C8A: variants seen among roughly 807,000 people sequenced by gnomAD.
The protein encoded by C8A is complement component C8 alpha chain.
In C8A, 67 loss-of-function variants were observed where a neutral mutation model predicts 65.3. The ratio of observed to expected loss-of-function variants is 1.03; its 90% CI spans 0.84 to 1.26. C8A has a LOEUF of 1.26. Ranked by LOEUF, C8A falls within the 50% of genes most tolerant of loss-of-function variation. The probability of loss-of-function intolerance (pLI) is 0.00; values close to 1 mark genes in which losing one functional copy is unlikely to be tolerated. For synonymous variants in C8A, 290 were observed against 259.4 expected (o/e 1.12, Z -1.13); for missense variants, 781 against 723.9 (o/e 1.08, Z -0.90).
intron 7 of C8A, among the ~76,000 whole-genome samples, chr1:56,898,011 C>T (rs1216703818): frequency 6.6e-6 from 1 of 152,118 alleles, no homozygotes; most frequent in Non-Finnish European, 1.5e-5. Flanking sequence ...CTCCCACTTG[C>T]TAGACCCTAA....
intron 7 of C8A, among the ~76,000 whole-genome samples, chr1:56,902,124 C>T (rs964560872): frequency 2.6e-5 from 4 of 152,158 alleles, no homozygotes; most frequent in African/African-American, 7.2e-5. Context: ...CCCTCACAGG[C>T]AAACAGCCAG....
chr1:56,864,986 C>A (rs1644070646), intron 1 of C8A, among the ~76,000 whole-genome samples: 2 of 152,036 alleles, frequency 1.3e-5, no homozygotes, highest in Admixed American at 1.3e-4. Flanking sequence ...TGGCACTAAT[C>A]TCATAGGAAA....
At chr1:56,901,153 T>C (rs1264419122) in intron 7 of C8A, among the ~76,000 whole-genome samples, 1 of 152,142 alleles carries the variant, frequency 6.6e-6, no homozygotes, top group African/African-American at 2.4e-5. Flanking sequence ...AGCCACACAC[T>C]CCAATCATCT....
chr1:56,913,594 C>T (rs1000188903), intron 10 of C8A, among the ~76,000 whole-genome samples: 6 of 152,142 alleles, frequency 3.9e-5, no homozygotes, highest in African/African-American at 1.4e-4. Context: ...ATCTATGTTC[C>T]CTTTTAGCCC....
intron 9 of C8A, among the ~76,000 whole-genome samples, chr1:56,910,398 C>A (rs1431306655): frequency 6.6e-6 from 1 of 152,182 alleles, no homozygotes; most frequent in Non-Finnish European, 1.5e-5. Flanking sequence ...GTCCCAAGAT[C>A]CCTCTTCTCC....
At chr1:56,896,115 C>G (rs1265920959) in intron 7 of C8A, among the ~76,000 whole-genome samples, 1 of 152,072 alleles carries the variant, frequency 6.6e-6, no homozygotes, top group Non-Finnish European at 1.5e-5. Flanking sequence ...AAGGAAAAAT[C>G]ATCAATAGCC....
At chr1:56,864,745 A>T (rs939518567) in intron 1 of C8A, among the ~76,000 whole-genome samples, 2 of 152,100 alleles carry the variant, frequency 1.3e-5, no homozygotes, top group African/African-American at 4.8e-5. Context: ...CTTTGAAGGG[A>T]TGGGAGGGCT....
At chr1:56,907,521 C>G (rs1644475317) in intron 8 of C8A, among the ~76,000 whole-genome samples, 1 of 152,204 alleles carries the variant, frequency 6.6e-6, no homozygotes, top group South Asian at 2.1e-4. Context: ...CTCCCACACC[C>G]CCTACTGTAT....
chr1:56,916,506 A>G (rs1307956900), intron 10 of C8A, among the ~76,000 whole-genome samples: 1 of 152,202 alleles, frequency 6.6e-6, no homozygotes, highest in Non-Finnish European at 1.5e-5. Context: ...TGGCTGCCCC[A>G]TCAGGGAGTA....
chr1:56,903,027 C>G (rs893159628), intron 7 of C8A, among the ~76,000 whole-genome samples: 2 of 152,000 alleles, frequency 1.3e-5, no homozygotes, highest in African/African-American at 2.4e-5. Flanking sequence ...AACTCTAAGG[C>G]CTTTTCTTTT....
intron 7 of C8A, among the ~76,000 whole-genome samples, chr1:56,900,914 C>A (rs1644421837): frequency 6.6e-6 from 1 of 152,090 alleles, no homozygotes; most frequent in Non-Finnish European, 1.5e-5. Flanking sequence ...TGGAGAGAAG[C>A]ACAGGGATAC....
At chr1:56,909,999 T>C (rs890836025) in intron 9 of C8A, among the ~76,000 whole-genome samples, 22 of 152,208 alleles carry the variant, frequency 1.4e-4, no homozygotes, top group Non-Finnish European at 2.9e-4. Context: ...GCAGGCTTTA[T>C]AGCAGGGAAG....
At chr1:56,874,210 A>C (rs1392677273) in intron 2 of C8A, among the ~76,000 whole-genome samples, 4 of 152,278 alleles carry the variant, frequency 2.6e-5, no homozygotes, top group African/African-American at 7.2e-5. Context: ...ACTTGATTGG[A>C]TGGGGTTGAG....
intron 1 of C8A, among the ~76,000 whole-genome samples, chr1:56,857,716 T>A (rs922696612): frequency 1.3e-5 from 2 of 151,970 alleles, no homozygotes; most frequent in Admixed American, 1.3e-4. Context: ...ATTTTTTTCT[T>A]TTTTTGGGCC....
chr1:56,889,604 A>G (rs1644328884), intron 7 of C8A, among the ~76,000 whole-genome samples: 1 of 151,194 alleles, frequency 6.6e-6, no homozygotes, highest in Admixed American at 6.6e-5. Flanking sequence ...ATTAATTTAT[A>G]TTCTATTAAG....
chr1:56,882,246 T>A (rs560229544), intron 5 of C8A, among the ~76,000 whole-genome samples: 1 of 152,286 alleles, frequency 6.6e-6, no homozygotes, highest in South Asian at 2.1e-4. Context: ...GGCCTACTCA[T>A]GGCCATTAAT....
At chr1:56,863,678 T>C (rs956290086) in intron 1 of C8A, among the ~76,000 whole-genome samples, 1 of 152,216 alleles carries the variant, frequency 6.6e-6, no homozygotes, top group Non-Finnish European at 1.5e-5. Flanking sequence ...GAACAGTCTA[T>C]TAGAAAAATA....
At position 56,911,017 on chromosome 1, in the gene C8A, T is replaced by A. The variant is rs1222005560; in HGVS notation, c.1381-1386T>A. Reference sequence around the variant, plus strand: ...TGAAGTATTAACATGTATAACATTATAAGCATGCTGAAGATAACCACATAT... The same window carrying A: ...TGAAGTATTAACATGTATAACATTAAAAGCATGCTGAAGATAACCACATAT... On this transcript the variant is annotated intron_variant, in intron 9 of 10. Coordinates refer to ENST00000361249, the MANE Select transcript of C8A (RefSeq NM_000562.3). 2.0e-5 allele frequency among the ~76,000 whole-genome samples: 3 copies of A among 151,674 alleles called. No homozygotes were observed. In the South Asian group the frequency reaches 6.2e-4, roughly 32 times the overall value.
At chr1:56,861,579 T>G (rs1398411495) in intron 1 of C8A, among the ~76,000 whole-genome samples, 1 of 152,148 alleles carries the variant, frequency 6.6e-6, no homozygotes, top group Admixed American at 6.5e-5. Flanking sequence ...CATGAGTTTG[T>G]TTTTCTCCCC....
Sources: allele counts gnomAD v4.1 joint callset (sites outside exome capture counted in the v4.1 genomes callset), GRCh38; gene constraint gnomAD v4.1.1; transcripts MANE v1.5; gene names NCBI Gene and HGNC (gene_info 2026-07-23, HGNC 2026-07-21).